ERP44: variants seen among roughly 807,000 people sequenced by gnomAD.
ERP44 encodes endoplasmic reticulum protein 44, also known as endoplasmic reticulum resident protein 44.
A neutral mutation model predicts 53.4 loss-of-function variants in ERP44; 25 were observed. The observed-to-expected ratio is 0.47, with a 90% CI of 0.34 to 0.65. The LOEUF (loss-of-function observed/expected upper bound fraction) is 0.65, where lower values mean the gene tolerates loss of function less well. Ranked by LOEUF, ERP44 falls within the 30% of genes least tolerant of loss-of-function variation. The pLI is 0.01. For synonymous variants in ERP44, 145 were observed against 161.2 expected (o/e 0.90, Z 0.76); for missense variants, 338 against 493.2 (o/e 0.69, Z 2.98).
At chr9:100,051,902 T>G (rs1826041948) in intron 4 of ERP44, among the ~76,000 whole-genome samples, 2 of 152,166 alleles carry the variant, frequency 1.3e-5, no homozygotes, top group South Asian at 4.1e-4. Context: ...ATAATTATAA[T>G]CAGTTGCTAC....
chr9:100,093,649 GGGA>G (rs1826589375), intron 1 of ERP44, among the ~76,000 whole-genome samples: 1 of 151,342 alleles, frequency 6.6e-6, no homozygotes, highest in Non-Finnish European at 1.5e-5. Flanking sequence ...TCTGTGGGGG[GGGA>G]AAAAAAAAGA....
At chr9:100,040,201 G>A (rs542198003) in intron 4 of ERP44, among the ~76,000 whole-genome samples, 92 of 152,144 alleles carry the variant, frequency 6.0e-4, no homozygotes, top group African/African-American at 2.0e-3. Context: ...CACTAAAACC[G>A]GACAAAGGCA....
intron 1 of ERP44, among the ~76,000 whole-genome samples, chr9:100,068,491 C>T (rs1234518616): frequency 7.2e-6 from 1 of 138,320 alleles, no homozygotes; most frequent in Non-Finnish European, 1.6e-5. Context: ...CCCCTCTGCC[C>T]GGCCAGCCGC....
intron 10 of ERP44, among the ~76,000 whole-genome samples, chr9:99,995,726 G>A (rs182033479): frequency 6.6e-6 from 1 of 152,230 alleles, no homozygotes; most frequent in Admixed American, 6.5e-5. Flanking sequence ...AGGCTAAATA[G>A]TATCCCATTG....
chr9:100,068,719 C>T (rs1445615172), intron 1 of ERP44, among the ~76,000 whole-genome samples: 1 of 149,950 alleles, frequency 6.7e-6, no homozygotes, highest in Non-Finnish European at 1.5e-5. Context: ...GTGAGGGGCG[C>T]CTCTGCCCGG....
chr9:99,991,957 G>A (rs1196092132), intron 10 of ERP44, among the ~76,000 whole-genome samples: 1 of 152,012 alleles, frequency 6.6e-6, no homozygotes, highest in Non-Finnish European at 1.5e-5. Context: ...CCCTCCCAAG[G>A]CTAAACCAGG....
At chr9:99,989,838 T>C (rs1196782781) in intron 10 of ERP44, among the ~76,000 whole-genome samples, 1 of 152,132 alleles carries the variant, frequency 6.6e-6, no homozygotes, top group Non-Finnish European at 1.5e-5. Context: ...AATGACCGGA[T>C]GGAGCTGAAA....
chr9:100,069,005 T>G (rs1452931169), intron 1 of ERP44, among the ~76,000 whole-genome samples: 1 of 152,164 alleles, frequency 6.6e-6, no homozygotes, highest in African/African-American at 2.4e-5. Context: ...AACCCTGTGC[T>G]CTCTGAAACA....
At chr9:99,986,649 C>T (rs1231575307) in intron 10 of ERP44, among the ~76,000 whole-genome samples, 4 of 152,070 alleles carry the variant, frequency 2.6e-5, no homozygotes, top group Non-Finnish European at 5.9e-5. Context: ...TCAATAACTC[C>T]CACTGAGATG....
At position 99,980,209 on chromosome 9, in the gene ERP44, C is replaced by T. The variant is rs1367123858; in HGVS notation, c.*2403G>A. The T allele has an allele frequency of 5.0e-6, 2 of 396,286 alleles. No individual in the cohort carries two copies. The highest frequency in any genetic ancestry group is 4.4e-5 in the Admixed American group (1 of 22,678). 24.5% of individuals were successfully genotyped at this position (396,286 alleles called of 1,614,324 possible). The stretch of plus-strand genomic sequence containing the variant: ...TTGTCTTTACATCTATAACACGTTA[C>T]AGTCATTGTTTACATATCCATATGC... On this transcript the variant is annotated 3_prime_UTR_variant, in exon 12 of 12. Coordinates refer to ENST00000262455, the MANE Select transcript of ERP44 (RefSeq NM_015051.3).
At position 100,010,488 on chromosome 9, in the gene ERP44, A is replaced by G. The variant is rs537991893; in HGVS notation, c.763-2799T>C. 2.6e-5 allele frequency among the ~76,000 whole-genome samples: 4 copies of G among 152,360 alleles called. No individual in the cohort carries two copies. In the East Asian group the frequency reaches 5.8e-4, roughly 22 times the overall value. On this transcript the variant is annotated intron_variant, in intron 8 of 11. Coordinates refer to ENST00000262455, the MANE Select transcript of ERP44 (RefSeq NM_015051.3). ...CCTGCAAGAACTACCACAGCAGGCA[A>G]ATAGTCATGACAAATTCTTAAATTT...
intron 1 of ERP44, among the ~76,000 whole-genome samples, chr9:100,096,088 A>T (rs1384284536): frequency 2.0e-5 from 3 of 152,164 alleles, no homozygotes; most frequent in Non-Finnish European, 2.9e-5. Flanking sequence ...TTATCAAGAG[A>T]TTAATGAGAA....
At chr9:100,086,241 A>G (rs924247502) in intron 1 of ERP44, among the ~76,000 whole-genome samples, 8 of 152,240 alleles carry the variant, frequency 5.3e-5, no homozygotes, top group Non-Finnish European at 1.0e-4. Context: ...AAAAGCTGAA[A>G]TGCATATCAA....
chr9:99,982,920 G>A (rs1396726136), intron 11 of ERP44, among the ~76,000 whole-genome samples: 1 of 152,126 alleles, frequency 6.6e-6, no homozygotes, highest in Non-Finnish European at 1.5e-5. Context: ...CCAGGGCAGG[G>A]TTGCCACAGG....
intron 4 of ERP44, among the ~76,000 whole-genome samples, chr9:100,038,316 C>T (rs573966243): frequency 4.3e-4 from 66 of 152,042 alleles, no homozygotes; most frequent in African/African-American, 1.4e-3. Context: ...AAAAAGTACA[C>T]AGAGATATAA....
intron 10 of ERP44, among the ~76,000 whole-genome samples, chr9:99,988,679 T>C (rs1245324751): frequency 6.6e-6 from 1 of 152,106 alleles, no homozygotes; most frequent in East Asian, 1.9e-4. Flanking sequence ...CTGGGACTGG[T>C]TGGACAGTGG....
intron 4 of ERP44, among the ~76,000 whole-genome samples, chr9:100,033,283 T>TA (rs1450763284): frequency 6.6e-6 from 1 of 152,106 alleles, no homozygotes; most frequent in Non-Finnish European, 1.5e-5. Flanking sequence ...GTAGAGCCAA[T>TA]AAAAGCCCCT....
intron 1 of ERP44, among the ~76,000 whole-genome samples, chr9:100,087,562 TCA>T (rs1363768031): frequency 6.6e-6 from 1 of 152,212 alleles, no homozygotes; most frequent in Admixed American, 6.5e-5. Flanking sequence ...ACAGACACAT[TCA>T]GTCTCATTAG....
At chr9:99,992,614 G>A (rs1477965205) in intron 10 of ERP44, among the ~76,000 whole-genome samples, 1 of 152,158 alleles carries the variant, frequency 6.6e-6, no homozygotes, top group Non-Finnish European at 1.5e-5. Flanking sequence ...CACAAGACAG[G>A]GATGCCCTCT....
Sources: gnomAD v4.1 joint callset for allele counts (sites outside exome capture counted in the v4.1 genomes callset) on GRCh38, gnomAD v4.1.1 for gene constraint, MANE v1.5 for transcripts, NCBI Gene and HGNC (gene_info 2026-07-23, HGNC 2026-07-21) for gene names.